Variants in DLG2 observed in about 807,000 individuals in gnomAD.
DLG2 encodes disks large homolog 2.
DLG2 carries 45 observed loss-of-function variants against 132.5 expected under a neutral mutation model. The ratio of observed to expected loss-of-function variants is 0.34; its 90% confidence interval spans 0.27 to 0.44. The LOEUF (loss-of-function observed/expected upper bound fraction) is 0.44. Among genes scored for constraint, DLG2 ranks in the 20% least tolerant of loss-of-function variants. The probability of loss-of-function intolerance (pLI) is 1.00; values close to 1 mark genes in which losing one functional copy is unlikely to be tolerated. For missense variants in DLG2, 1,045 were observed against 1,196.9 expected (o/e 0.87, Z 1.87); for synonymous variants, 424 against 419.6 (o/e 1.01, Z -0.13).
intron 18 of DLG2, among the ~76,000 whole-genome samples, chr11:83,659,778 C>T (rs928164889): frequency 2.0e-5 from 3 of 152,222 alleles, no homozygotes; most frequent in African/African-American, 7.2e-5. Flanking sequence ...CCTGAATTCC[C>T]ATTTGCATAC....
chr11:85,489,934 G>C (rs1022905394), intron 3 of DLG2, among the ~76,000 whole-genome samples: 1 of 152,090 alleles, frequency 6.6e-6, no homozygotes, highest in African/African-American at 2.4e-5. Context: ...TCCAGGTGTG[G>C]TGCAGCACTT....
In DLG2 at chr11:83,723,575, C is replaced by T. The variant is rs2089263336; in HGVS notation, c.1825+63115G>A. 1.3e-5 allele frequency among the ~76,000 whole-genome samples: 2 copies of T among 152,124 alleles called. 1 individual carries two copies. The highest frequency in any genetic ancestry group is 6.8e-3 in the Middle Eastern group (2 of 294). On this transcript the variant is annotated intron_variant, in intron 18 of 27. Transcript: ENST00000376104. Reference sequence around the variant, plus strand: ...ACCAAAGAAGCATTATCTTGGGGGGCCAGAAATAGTGGCTCACGCCTGTAA... The same window carrying T: ...ACCAAAGAAGCATTATCTTGGGGGGTCAGAAATAGTGGCTCACGCCTGTAA...
chr11:84,680,683 C>T (rs2099726876), intron 6 of DLG2, among the ~76,000 whole-genome samples: 1 of 152,158 alleles, frequency 6.6e-6, no homozygotes, highest in African/African-American at 2.4e-5. Context: ...TGCTTCCTAG[C>T]TGAGTGTCTT....
At chr11:83,790,245 G>A in intron 17 of DLG2, 1 of 906,682 alleles carries the variant, frequency 1.1e-6, no homozygotes, top group Non-Finnish European at 1.8e-6. Context: ...ACATTTGGCT[G>A]TTCATAAAAG....
chr11:84,217,010 A>G (rs1433843134), intron 8 of DLG2, among the ~76,000 whole-genome samples: 2 of 152,204 alleles, frequency 1.3e-5, no homozygotes, highest in Non-Finnish European at 2.9e-5. Context: ...AAGTTTGATT[A>G]TTTAAAAACC....
intron 15 of DLG2, among the ~76,000 whole-genome samples, chr11:83,923,700 T>C (rs2078382448): frequency 6.6e-6 from 1 of 152,158 alleles, no homozygotes; most frequent in Non-Finnish European, 1.5e-5. Flanking sequence ...TAATAAATAG[T>C]TCTGAATCCA....
intron 18 of DLG2, among the ~76,000 whole-genome samples, chr11:83,764,962 G>A (rs2094080326): frequency 6.6e-6 from 1 of 152,206 alleles, no homozygotes; most frequent in Non-Finnish European, 1.5e-5. Context: ...GAGATGGCCG[G>A]CACACTCTCT....
At chr11:85,562,787 C>T (rs1313400355) in intron 3 of DLG2, among the ~76,000 whole-genome samples, 2 of 151,708 alleles carry the variant, frequency 1.3e-5, no homozygotes, top group Non-Finnish European at 2.9e-5. Flanking sequence ...CCAGTCAGAG[C>T]TAAACAGTGA....
At chr11:84,716,039 A>G (rs978604956) in intron 6 of DLG2, among the ~76,000 whole-genome samples, 9 of 152,078 alleles carry the variant, frequency 5.9e-5, no homozygotes, top group Admixed American at 3.3e-4. Flanking sequence ...CAGTGTACAT[A>G]GGTTCCCTTT....
chr11:85,147,065 T>C (rs1392380052), intron 5 of DLG2, among the ~76,000 whole-genome samples: 1 of 152,170 alleles, frequency 6.6e-6, no homozygotes, highest in Non-Finnish European at 1.5e-5. Context: ...AACACACAGA[T>C]TTTCTGAATA....
chr11:85,583,112 GTGTGTGTGTGTGTGTGTGTATATA>G (rs1565717246), intron 3 of DLG2, among the ~76,000 whole-genome samples: 15 of 53,598 alleles, frequency 2.8e-4, no homozygotes, highest in African/African-American at 1.0e-3. Context: ...GTGTGTGTGT[GTGTGTGTGTGTGTGTGTGTATATA>G]TATATATATA....
At chr11:84,943,988 G>A (rs1271133213) in intron 6 of DLG2, among the ~76,000 whole-genome samples, 1 of 152,006 alleles carries the variant, frequency 6.6e-6, no homozygotes, top group Non-Finnish European at 1.5e-5. Context: ...TCTCCTTCAT[G>A]TTTGAAGGAT....
intron 7 of DLG2, among the ~76,000 whole-genome samples, chr11:84,337,192 C>A (rs2098489529): frequency 6.6e-6 from 1 of 152,058 alleles, no homozygotes; most frequent in Non-Finnish European, 1.5e-5. Flanking sequence ...GTATCTACCC[C>A]ATAGAGATGT....
At chr11:84,228,132 T>A (rs2097033443) in intron 8 of DLG2, among the ~76,000 whole-genome samples, 1 of 152,132 alleles carries the variant, frequency 6.6e-6, no homozygotes, top group South Asian at 2.1e-4. Context: ...ACTCTCTTAT[T>A]TCCCTAATGC....
intron 6 of DLG2, among the ~76,000 whole-genome samples, chr11:85,005,158 C>T (rs182080600): frequency 5.3e-5 from 8 of 152,190 alleles, no homozygotes; most frequent in African/African-American, 1.4e-4. Context: ...AGTCAAATAG[C>T]GTGATGACTG....
intron 6 of DLG2, among the ~76,000 whole-genome samples, chr11:84,737,557 G>A (rs904470950): frequency 2.0e-5 from 3 of 151,864 alleles, no homozygotes; most frequent in Non-Finnish European, 4.4e-5. Flanking sequence ...TTGTGTGTGG[G>A]AAGGTTTATG....
chr11:83,584,134 G>A (rs769697769), intron 19 of DLG2, among the ~76,000 whole-genome samples: 13 of 152,078 alleles, frequency 8.5e-5, no homozygotes, highest in Non-Finnish European at 1.6e-4. Flanking sequence ...CCAGGTCTCT[G>A]TTTCCTATTA....
At chr11:85,220,332 T>C (rs1158037320) in intron 4 of DLG2, among the ~76,000 whole-genome samples, 1 of 150,174 alleles carries the variant, frequency 6.7e-6, no homozygotes, top group Non-Finnish European at 1.5e-5. Flanking sequence ...GGTAAAGGAG[T>C]TAGCCTTGTG....
intron 6 of DLG2, among the ~76,000 whole-genome samples, chr11:84,837,760 A>G (rs2080016874): frequency 1.3e-5 from 2 of 151,872 alleles, no homozygotes; most frequent in South Asian, 4.1e-4. Context: ...TGCCTTGATA[A>G]GTGGAATAAT....
Sources: allele counts gnomAD v4.1 joint callset (sites outside exome capture counted in the v4.1 genomes callset), GRCh38; gene constraint gnomAD v4.1.1; transcripts MANE v1.5; gene names NCBI Gene and HGNC (gene_info 2026-07-23, HGNC 2026-07-21).